Variants in ZNF423 observed in about 807,000 individuals in gnomAD.
ZNF423 encodes the protein zinc finger protein 423.
In ZNF423, 12 loss-of-function variants were observed where a neutral mutation model predicts 95.8. The ratio of observed to expected loss-of-function variants is 0.13; its 90% CI spans 0.08 to 0.20. The LOEUF (loss-of-function observed/expected upper bound fraction) is 0.20. ZNF423 is among the 10% of genes least tolerant of loss of function. The pLI is 1.00. For missense variants in ZNF423, 1,316 were observed against 1,737.1 expected (o/e 0.76, Z 4.31); for synonymous variants, 749 against 711.9 (o/e 1.05, Z -0.83).
chr16:49,626,753 A>T (rs928442460), intron 4 of ZNF423, among the ~76,000 whole-genome samples: 6 of 148,242 alleles, frequency 4.0e-5, no homozygotes, highest in African/African-American at 1.5e-4. Context: ...CTACATACAC[A>T]CCCACCAATA....
At chr16:49,781,596 A>G (rs2034213009) in intron 2 of ZNF423, among the ~76,000 whole-genome samples, 1 of 152,208 alleles carries the variant, frequency 6.6e-6, no homozygotes, top group Non-Finnish European at 1.5e-5. Context: ...AAACACAAGC[A>G]GGGCAGGAGG....
At chr16:49,596,956 G>A (rs571414010) in intron 5 of ZNF423, among the ~76,000 whole-genome samples, 1 of 152,360 alleles carries the variant, frequency 6.6e-6, no homozygotes, top group East Asian at 1.9e-4. Context: ...GGATGCCTGG[G>A]GTTTCGGCCA....
Position 49,677,060 on chromosome 16 carries a change from A to G in ZNF423, c.302-38186T>C, listed in dbSNP as rs377335267. Reference sequence around the variant, plus strand: ...TGGTGAAACCCCATCTCTACTAAAAATACAGAAATTACCCTGGCGTGGTGG... The same window carrying G: ...TGGTGAAACCCCATCTCTACTAAAAGTACAGAAATTACCCTGGCGTGGTGG... On this transcript the variant is annotated intron_variant, in intron 3 of 7. Coordinates refer to ENST00000563137, the MANE Select transcript of ZNF423 (RefSeq NM_001379286.1). 1.2e-3 allele frequency among the ~76,000 whole-genome samples: 184 copies of G among 151,618 alleles called. 3 individuals are homozygous for G. The South Asian group carries it at 0.035, about 29-fold the overall frequency.
At chr16:49,693,402 C>G (rs1451513239) in intron 3 of ZNF423, among the ~76,000 whole-genome samples, 2 of 152,168 alleles carry the variant, frequency 1.3e-5, no homozygotes, top group Non-Finnish European at 2.9e-5. Context: ...GGATTAGAAC[C>G]CACAGTCAGG....
chr16:49,591,302 T>A (rs1222568795), intron 5 of ZNF423, among the ~76,000 whole-genome samples: 4 of 151,984 alleles, frequency 2.6e-5, no homozygotes, highest in South Asian at 2.1e-4. Context: ...ATGGGTATTA[T>A]AAGTCCACCA....
chr16:49,724,373 C>G (rs1191096096), intron 3 of ZNF423, among the ~76,000 whole-genome samples: 1 of 152,202 alleles, frequency 6.6e-6, no homozygotes, highest in Non-Finnish European at 1.5e-5. Context: ...AAGCCCCTAG[C>G]CTTTTGCGCC....
intron 7 of ZNF423, among the ~76,000 whole-genome samples, chr16:49,495,335 G>T (rs1967120324): frequency 6.6e-6 from 1 of 152,192 alleles, no homozygotes; most frequent in African/African-American, 2.4e-5. Flanking sequence ...TAGCCAAGGG[G>T]ATGGCATGGG....
chr16:49,813,622 TC>T (rs528862198), intron 1 of ZNF423, among the ~76,000 whole-genome samples: 110 of 152,292 alleles, frequency 7.2e-4, no homozygotes, highest in African/African-American at 2.6e-3. Flanking sequence ...CCATTCCCTC[TC>T]GCTCCCGCAT....
chr16:49,810,865 T>A (rs2034739776), intron 1 of ZNF423, among the ~76,000 whole-genome samples: 2 of 151,994 alleles, frequency 1.3e-5, no homozygotes, highest in Admixed American at 6.5e-5. Context: ...GTCTGAGTGG[T>A]CTTGAGGCCC....
chr16:49,741,708 A>G (rs1427869149), intron 2 of ZNF423, among the ~76,000 whole-genome samples: 1 of 152,250 alleles, frequency 6.6e-6, no homozygotes, highest in African/African-American at 2.4e-5. Flanking sequence ...GAGCCCCTAG[A>G]GCACAGGGTC....
At chr16:49,679,612 A>T (rs2031265913) in intron 3 of ZNF423, among the ~76,000 whole-genome samples, 1 of 152,222 alleles carries the variant, frequency 6.6e-6, no homozygotes, top group South Asian at 2.1e-4. Flanking sequence ...CATGGGAGGG[A>T]CACCAAGAGG....
At chr16:49,665,645 A>C (rs947519844) in intron 3 of ZNF423, among the ~76,000 whole-genome samples, 1 of 152,154 alleles carries the variant, frequency 6.6e-6, no homozygotes, top group African/African-American at 2.4e-5. Context: ...TCTCAGCCAC[A>C]GTGGGTGGCC....
At chr16:49,554,994 T>G (rs1182008505) in intron 5 of ZNF423, among the ~76,000 whole-genome samples, 1 of 152,020 alleles carries the variant, frequency 6.6e-6, no homozygotes. Context: ...AATTAAGAGC[T>G]TGGTCAAGAT....
intron 7 of ZNF423, among the ~76,000 whole-genome samples, chr16:49,503,976 A>G (rs2151666493): frequency 6.6e-6 from 1 of 152,310 alleles, no homozygotes; most frequent in Admixed American, 6.5e-5. Flanking sequence ...GCTGGGATGG[A>G]TCCTTTGAGG....
At chr16:49,665,615 G>A (rs1255733340) in intron 3 of ZNF423, among the ~76,000 whole-genome samples, 3 of 152,100 alleles carry the variant, frequency 2.0e-5, no homozygotes, top group Non-Finnish European at 2.9e-5. Flanking sequence ...AGGTTTCACG[G>A]AGCCTCCTCC....
chr16:49,570,515 C>T (rs1970322156), intron 5 of ZNF423, among the ~76,000 whole-genome samples: 1 of 152,134 alleles, frequency 6.6e-6, no homozygotes, highest in Non-Finnish European at 1.5e-5. Flanking sequence ...TCATTTTTAG[C>T]TCGTAGGGAG....
At chr16:49,835,417 C>A (rs2035107331) in intron 1 of ZNF423, among the ~76,000 whole-genome samples, 1 of 152,240 alleles carries the variant, frequency 6.6e-6, no homozygotes, top group Non-Finnish European at 1.5e-5. Flanking sequence ...CACATCCCCG[C>A]AGAGGCGTTC....
intron 5 of ZNF423, among the ~76,000 whole-genome samples, chr16:49,550,814 G>T (rs961726288): frequency 6.6e-6 from 1 of 152,246 alleles, no homozygotes; most frequent in Non-Finnish European, 1.5e-5. Context: ...AGCTCTGAGG[G>T]CTGCTTGCCA....
intron 1 of ZNF423, among the ~76,000 whole-genome samples, chr16:49,844,487 C>G (rs1387598087): frequency 6.6e-6 from 1 of 152,194 alleles, no homozygotes; most frequent in Non-Finnish European, 1.5e-5. Flanking sequence ...CAGCTCCCAC[C>G]TCCTCATCAG....
Sources: gnomAD v4.1 joint callset for allele counts (sites outside exome capture counted in the v4.1 genomes callset) on GRCh38, gnomAD v4.1.1 for gene constraint, MANE v1.5 for transcripts, NCBI Gene and HGNC (gene_info 2026-07-23, HGNC 2026-07-21) for gene names.